UGT1A9: variants seen among roughly 807,000 people sequenced by gnomAD.
UGT1A9 encodes the protein UDP-glucuronosyltransferase 1A9.
In UGT1A9, 35 loss-of-function variants were observed where a neutral mutation model predicts 45.0. The observed-to-expected ratio is 0.78, with a 90% confidence interval of 0.59 to 1.03. The LOEUF is 1.03. Ranked by LOEUF, UGT1A9 falls within the 50% of genes least tolerant of loss-of-function variation. The probability of loss-of-function intolerance (pLI) is 0.00; values close to 1 mark genes in which losing one functional copy is unlikely to be tolerated. For missense variants in UGT1A9, 687 were observed against 666.6 expected (o/e 1.03, Z -0.34); for synonymous variants, 278 against 250.6 (o/e 1.11, Z -1.03).
At chr2:233,767,332 A>C (rs34743975) in intron 2 of UGT1A9, among the ~76,000 whole-genome samples, 167 bp downstream of exon 2, 47 of 152,148 alleles carry the variant, frequency 3.1e-4, no homozygotes, top group Admixed American at 1.7e-3. Flanking sequence ...GGTTGTTGTC[A>C]TTGTTTTCAA....
intron 1 of UGT1A9, among the ~76,000 whole-genome samples, chr2:233,684,736 A>G (rs45548336): frequency 0.02 from 3,110 of 152,174 alleles, 109 homozygotes; most frequent in African/African-American, 0.071. Context: ...TAGAAAATAA[A>G]TATAATTATC....
chr2:233,724,396 T>C (rs2077250917), intron 1 of UGT1A9, among the ~76,000 whole-genome samples: 1 of 143,176 alleles, frequency 7.0e-6, no homozygotes, highest in African/African-American at 2.6e-5. Flanking sequence ...GCTCCTCACT[T>C]CCCAGATGGG....
intron 1 of UGT1A9, chr2:233,708,380 G>C (rs2076016043): frequency 6.6e-6 from 1 of 152,024 alleles, no homozygotes; most frequent in African/African-American, 2.4e-5. Flanking sequence ...AACGTCTTTT[G>C]TGTGTGTGTG....
intron 1 of UGT1A9, chr2:233,719,336 T>C (rs765059694): frequency 5.0e-6 from 8 of 1,613,838 alleles, no homozygotes; most frequent in South Asian, 2.2e-5. Context: ...CTGTGTTTTT[T>C]TGGAGGTACA....
At chr2:233,682,674 G>A (rs1344707831) in intron 1 of UGT1A9, 1 of 1,613,690 alleles carries the variant, frequency 6.2e-7, no homozygotes, top group African/African-American at 1.3e-5. Flanking sequence ...GATCTCTACA[G>A]CCACACATCA....
intron 1 of UGT1A9, among the ~76,000 whole-genome samples, chr2:233,749,534 G>A (rs1161512462): frequency 6.6e-6 from 1 of 151,852 alleles, no homozygotes; most frequent in Non-Finnish European, 1.5e-5. Flanking sequence ...ATTTTCGAGT[G>A]TGGTAAAGAA....
intron 1 of UGT1A9, chr2:233,729,169 G>A: frequency 1.2e-6 from 2 of 1,613,744 alleles, no homozygotes; most frequent in Non-Finnish European, 1.7e-6. Flanking sequence ...GCTGGCCACA[G>A]GACTGCTGCT....
intron 1 of UGT1A9, among the ~76,000 whole-genome samples, chr2:233,742,519 G>A (rs1399638498): frequency 6.6e-6 from 1 of 151,888 alleles, no homozygotes; most frequent in Admixed American, 6.5e-5. Flanking sequence ...ACACGTCACA[G>A]TGCTGCAGAG....
chr2:233,747,299 G>A, intron 1 of UGT1A9: 1 of 1,602,106 alleles, frequency 6.2e-7, no homozygotes, highest in Non-Finnish European at 8.5e-7. Flanking sequence ...GCTGAGAGTG[G>A]GAAGGTGCTG....
chr2:233,700,940 A>G (rs972837760), intron 1 of UGT1A9, among the ~76,000 whole-genome samples: 3 of 151,922 alleles, frequency 2.0e-5, no homozygotes, highest in Non-Finnish European at 4.4e-5. Flanking sequence ...TGATTGTTCA[A>G]TTCCCACCTA....
chr2:233,700,815 G>T (rs940523054), intron 1 of UGT1A9, among the ~76,000 whole-genome samples: 1 of 151,950 alleles, frequency 6.6e-6, no homozygotes, highest in African/African-American at 2.4e-5. Flanking sequence ...TTGGTGTGCT[G>T]CACCCATTAA....
intron 1 of UGT1A9, among the ~76,000 whole-genome samples, chr2:233,746,037 G>T (rs1056217183): frequency 1.8e-4 from 28 of 151,826 alleles, no homozygotes; most frequent in Non-Finnish European, 4.1e-4. Flanking sequence ...CTTACTTGCT[G>T]GCTTGGATGC....
In UGT1A9 at chr2:233,767,044, C is replaced by A. The variant is rs758873309; in HGVS notation, c.866C>A (p.Ala289Asp). Residue 289 changes from alanine (A) to aspartate (D), a missense_variant, in exon 2 of 5, where the codon GCC becomes GAC. Ala to Asp is a moderately radical substitution (Grantham distance 126, BLOSUM62 -2). Coordinates refer to ENST00000354728, the MANE Select transcript of UGT1A9 (RefSeq NM_021027.3). ...QGKPLPMEFE[A>D]YINASGEHGI... ...TTCTTCTGGCTCTAGGAATTTGAAG[C>A]CTACATTAATGCTTCTGGAGAACAT... 1.2e-6 allele frequency: 2 copies of A among 1,613,992 alleles called. No homozygotes were observed. Among genetic ancestry groups the A allele is most frequent in the Non-Finnish European group, 1.7e-6 (2 of 1,179,984 alleles).
chr2:233,772,135 A>C (rs1281309979), intron 4 of UGT1A9, 127 bp from the exon 5 acceptor site: 4 of 1,546,748 alleles, frequency 2.6e-6, no homozygotes, highest in Non-Finnish European at 3.5e-6. Context: ...CAACAACAAT[A>C]ATAGAAACAG....
chr2:233,698,146 C>A (rs2075427609), intron 1 of UGT1A9, among the ~76,000 whole-genome samples: 1 of 152,142 alleles, frequency 6.6e-6, no homozygotes, highest in Non-Finnish European at 1.5e-5. Flanking sequence ...CAACTGTATT[C>A]CCAGCATGTC....
chr2:233,683,560 T>A (rs1408548719), intron 1 of UGT1A9, among the ~76,000 whole-genome samples: 3 of 152,212 alleles, frequency 2.0e-5, no homozygotes, highest in African/African-American at 7.2e-5. Flanking sequence ...GGCCTTCTTT[T>A]GCTATTACAT....
At chr2:233,691,212 C>T (rs1158477885) in intron 1 of UGT1A9, 4 of 985,482 alleles carry the variant, frequency 4.1e-6, no homozygotes, top group Non-Finnish European at 4.8e-6. Context: ...GTTCCCTTTG[C>T]AACCTTCCTG....
chr2:233,721,416 C>T, intron 1 of UGT1A9: 1 of 156,014 alleles, frequency 6.4e-6, no homozygotes, highest in Non-Finnish European at 1.4e-5. Flanking sequence ...GGACAGGTAC[C>T]CTAAGCATTG....
In UGT1A9 at chr2:233,718,773, C is replaced by G. The variant is rs374057137; in HGVS notation, c.855+45984C>G. Reference sequence around the variant, plus strand: ...ATTAAGGCGAAGGAAACAAATGTAGCAGGCACAGCGTGGGGTGGACAGTCA... The same window carrying G: ...ATTAAGGCGAAGGAAACAAATGTAGGAGGCACAGCGTGGGGTGGACAGTCA... On this transcript the variant is annotated intron_variant, in intron 1 of 4. Coordinates refer to ENST00000354728, the MANE Select transcript of UGT1A9 (RefSeq NM_021027.3). 9.1e-5 allele frequency: 147 copies of G among 1,612,730 alleles called. 1 individual carries two copies. Among genetic ancestry groups the G allele is most frequent in the Middle Eastern group, 6.0e-4 (3 of 4,988 alleles).
Sources: allele counts gnomAD v4.1 joint callset (sites outside exome capture counted in the v4.1 genomes callset), GRCh38; gene constraint gnomAD v4.1.1; transcripts MANE v1.5; gene names NCBI Gene and HGNC (gene_info 2026-07-23, HGNC 2026-07-21).